Variants in COG5 observed in about 807,000 individuals in gnomAD.
COG5 encodes the protein conserved oligomeric Golgi complex subunit 5.
COG5 carries 86 observed loss-of-function variants against 110.4 expected under a neutral mutation model. The observed-to-expected ratio is 0.78, with a 90% CI of 0.65 to 0.93. COG5 has a LOEUF of 0.93. Among genes scored for constraint, COG5 ranks in the 40% least tolerant of loss-of-function variants. The pLI is 0.00. For synonymous variants in COG5, 360 were observed against 334.6 expected (o/e 1.08, Z -0.83); for missense variants, 1,077 against 987.0 (o/e 1.09, Z -1.22).
chr7:107,253,287 A>T (rs1279419981), intron 16 of COG5: 1 of 152,198 alleles, frequency 6.6e-6, no homozygotes, highest in Non-Finnish European at 1.5e-5. Flanking sequence ...ACAACTAACA[A>T]GGAAACTGAG....
intron 6 of COG5, among the ~76,000 whole-genome samples, chr7:107,518,407 G>A (rs923632141): frequency 6.6e-6 from 1 of 152,052 alleles, no homozygotes; most frequent in Non-Finnish European, 1.5e-5. Context: ...GCTATATTCA[G>A]GAGACCCATC....
At chr7:107,530,601 C>CAAAAAAAAAAAAAA (rs953588412) in intron 5 of COG5, among the ~76,000 whole-genome samples, 1 of 47,768 alleles carries the variant, frequency 2.1e-5, no homozygotes, top group African/African-American at 8.0e-5. Flanking sequence ...AACTCCATCT[C>CAAAAAAAAAAAAAA]AAAAAAAAAA....
chr7:107,490,204 C>T (rs1395057930), intron 6 of COG5, among the ~76,000 whole-genome samples: 4 of 152,064 alleles, frequency 2.6e-5, no homozygotes, highest in African/African-American at 7.2e-5. Context: ...CCCCATCCCG[C>T]TCCTCCTCCA....
intron 6 of COG5, among the ~76,000 whole-genome samples, chr7:107,466,351 C>T (rs1352527918): frequency 2.0e-5 from 3 of 151,914 alleles, no homozygotes; most frequent in Non-Finnish European, 4.4e-5. Flanking sequence ...GCAAGAAATG[C>T]CATGTATTTA....
At chr7:107,539,168 G>A (rs755075444) in intron 5 of COG5, among the ~76,000 whole-genome samples, 8 of 152,084 alleles carry the variant, frequency 5.3e-5, no homozygotes, top group Non-Finnish European at 1.2e-4. Context: ...CGTGCCTGTT[G>A]TCTCAGCTAC....
chr7:107,463,005 A>G (rs1033871631), intron 6 of COG5, among the ~76,000 whole-genome samples: 4 of 152,238 alleles, frequency 2.6e-5, no homozygotes, highest in Non-Finnish European at 4.4e-5. Context: ...AAGCTATAAG[A>G]ATGGAGTGAT....
At chr7:107,523,438 T>C (rs1045392581) in intron 6 of COG5, among the ~76,000 whole-genome samples, 1 of 152,042 alleles carries the variant, frequency 6.6e-6, no homozygotes, top group African/African-American at 2.4e-5. Flanking sequence ...GACATACCTA[T>C]TAGAATGACT....
In COG5 at chr7:107,547,862, TTGA is replaced by T. The variant is rs951528892; in HGVS notation, c.417+246_417+248del. On this transcript the variant is annotated intron_variant, in intron 5 of 21. Coordinates refer to ENST00000297135, the MANE Select transcript of COG5 (RefSeq NM_006348.5). ...TCTATACATTGAAAGCTATAAAACATTGATGAAAGAAATTGAAGAAGATATAAG... is the reference window on the plus strand; with the variant it reads ...TCTATACATTGAAAGCTATAAAACATTGAAAGAAATTGAAGAAGATATAAG... 3 of 460,582 alleles carry T rather than the reference TTGA, an allele frequency of 6.5e-6. No homozygotes were observed. In the Admixed American group the frequency reaches 1.1e-4, roughly 17 times the overall value. The allele number at this position is 460,582 out of a possible 1,614,324, so 28.5% of individuals were successfully genotyped here.
chr7:107,301,052 G>A (rs778046855), intron 11 of COG5, among the ~76,000 whole-genome samples: 1 of 152,102 alleles, frequency 6.6e-6, no homozygotes, highest in Non-Finnish European at 1.5e-5. Flanking sequence ...AGTAGACACA[G>A]GGTAGAGTTC....
In COG5 at chr7:107,488,136, G is replaced by A. The variant is rs529084205; in HGVS notation, c.538+39101C>T. On this transcript the variant is annotated intron_variant, in intron 6 of 21. Transcript: ENST00000297135. The stretch of plus-strand genomic sequence containing the variant: ...TTTCATTTTAAAAATATACAAAATT[G>A]AGCTGATTATTCCAAGCCCATTTAT... Among the ~76,000 whole-genome samples the A allele has an allele frequency of 5.3e-5, 8 of 151,684 alleles. No homozygotes were observed. The South Asian group carries it at 1.3e-3, about 24-fold the overall frequency.
chr7:107,411,913 G>T (rs904200269), intron 7 of COG5, among the ~76,000 whole-genome samples: 1 of 151,774 alleles, frequency 6.6e-6, no homozygotes, highest in African/African-American at 2.4e-5. Flanking sequence ...CTAAGTTGTT[G>T]AATCTAATAC....
intron 10 of COG5, among the ~76,000 whole-genome samples, chr7:107,342,379 A>C (rs1331791246): frequency 6.6e-6 from 1 of 151,224 alleles, no homozygotes; most frequent in Non-Finnish European, 1.5e-5. Flanking sequence ...AAAAAAAAAA[A>C]AAAAAAACAC....
intron 11 of COG5, among the ~76,000 whole-genome samples, chr7:107,317,988 C>T (rs933986352): frequency 6.6e-6 from 1 of 152,050 alleles, no homozygotes; most frequent in Non-Finnish European, 1.5e-5. Flanking sequence ...TGGTTAAAGG[C>T]TTGAAATTTT....
At chr7:107,296,732 T>C (rs1806784126) in intron 12 of COG5, among the ~76,000 whole-genome samples, 1 of 152,130 alleles carries the variant, frequency 6.6e-6, no homozygotes, top group Admixed American at 6.5e-5. Flanking sequence ...TTCCATATAC[T>C]GTATTCTGCC....
At position 107,278,289 on chromosome 7, in the gene COG5, T is replaced by C. The variant is rs190990370; in HGVS notation, c.1575+3011A>G. 5.3e-5 allele frequency among the ~76,000 whole-genome samples: 8 copies of C among 152,268 alleles called. No individual in the cohort carries two copies. In the East Asian group the frequency reaches 5.8e-4, roughly 11 times the overall value. Reference sequence around the variant, plus strand: ...GTTTCTGTTCTTTTCTTTTTTATTATACTTTAAGTTCTGAGATACATGTGC... The same window carrying C: ...GTTTCTGTTCTTTTCTTTTTTATTACACTTTAAGTTCTGAGATACATGTGC... On this transcript the variant is annotated intron_variant, in intron 14 of 21. Coordinates refer to ENST00000297135, the MANE Select transcript of COG5 (RefSeq NM_006348.5).
At chr7:107,245,393 G>A (rs1295464623) in intron 17 of COG5, among the ~76,000 whole-genome samples, 2 of 152,174 alleles carry the variant, frequency 1.3e-5, no homozygotes, top group Non-Finnish European at 2.9e-5. Context: ...GAAATAAAGA[G>A]CATCTAAATA....
At chr7:107,478,445 A>C (rs974795654) in intron 6 of COG5, among the ~76,000 whole-genome samples, 2 of 151,958 alleles carry the variant, frequency 1.3e-5, no homozygotes, top group Non-Finnish European at 2.9e-5. Context: ...TCAGTTACCC[A>C]TGGTCAGTTA....
At chr7:107,357,965 G>T (rs889407611) in intron 10 of COG5, among the ~76,000 whole-genome samples, 2 of 152,092 alleles carry the variant, frequency 1.3e-5, no homozygotes, top group Non-Finnish European at 2.9e-5. Context: ...CACTGTGCCT[G>T]GACTCATACG....
At chr7:107,441,255 CAAAAAA>C (rs551026030) in intron 6 of COG5, among the ~76,000 whole-genome samples, 3 of 71,340 alleles carry the variant, frequency 4.2e-5, no homozygotes, top group African/African-American at 1.1e-4. Flanking sequence ...GACTCCGTCT[CAAAAAA>C]AAAAAAAAAA....
Sources: allele counts gnomAD v4.1 joint callset (sites outside exome capture counted in the v4.1 genomes callset), GRCh38; gene constraint gnomAD v4.1.1; transcripts MANE v1.5; gene names NCBI Gene and HGNC (gene_info 2026-07-23, HGNC 2026-07-21).